TIPIN: variants seen among roughly 807,000 people sequenced by gnomAD.
TIPIN encodes the protein TIMELESS-interacting protein.
In TIPIN, 29 loss-of-function variants were observed where a neutral mutation model predicts 35.6. The observed-to-expected ratio is 0.82, with a 90% CI of 0.61 to 1.11. The LOEUF (loss-of-function observed/expected upper bound fraction) is 1.11. Among genes scored for constraint, TIPIN ranks in the 50% most tolerant of loss-of-function variants. TIPIN has a pLI of 0.00. For missense variants in TIPIN, 296 were observed against 345.4 expected, an observed-to-expected ratio of 0.86 and a Z score of 1.13; for synonymous variants, 102 against 121.5, an observed-to-expected ratio of 0.84 and a Z score of 1.06.
At chr15:66,375,412 C>T (rs888052285) in intron 1 of TIPIN, among the ~76,000 whole-genome samples, 3 of 150,436 alleles carry the variant, frequency 2.0e-5, no homozygotes, top group East Asian at 2.0e-4. Flanking sequence ...TGAGCTCAAG[C>T]GATCTGCCCA....
chr15:66,357,595 CAAAAAAAAAAAA>C (rs574898699), upstream of TIPIN, among the ~76,000 whole-genome samples: 2 of 63,434 alleles, frequency 3.2e-5, no homozygotes, highest in Admixed American at 2.3e-4. Flanking sequence ...GATCTTGTCG[CAAAAAAAAAAAA>C]AAAAAAAAAA....
rs917557835 is a variant in TIPIN at position 66,379,545 on chromosome 15, C to T, written c.-9+7062G>A. The T allele has an allele frequency of 6.2e-6, 10 of 1,610,528 alleles. No individual in the cohort carries two copies. In the Admixed American group the frequency reaches 6.7e-5, roughly 11 times the overall value. Reference sequence around the variant, plus strand: ...AACACCTGGTCTCATCCGCACCCTGCGGATGTATTTTTCACCCAAGAAATT... The same window carrying T: ...AACACCTGGTCTCATCCGCACCCTGTGGATGTATTTTTCACCCAAGAAATT... On this transcript the variant is annotated intron_variant, in intron 1 of 7. Coordinates refer to the TIPIN transcript ENST00000562124.
chr15:66,366,779 AAAAGAAAG>A lies in TIPIN; in HGVS notation c.-8-13832_-8-13825del, dbSNP rs1292433173. On this transcript the variant is annotated intron_variant, in intron 1 of 7. Transcript: ENST00000562124. ...AAGACTCCATCTCAAAAAAAAAAAA[AAAAGAAAG>A]AAAGAAAGAAAAAAAGAAAAAGAAA... 3.1e-5 allele frequency: 29 copies of A among 944,936 alleles called. No homozygotes were observed. The African/African-American group carries it at 3.2e-4, about 10-fold the overall frequency. The allele number at this position is 944,936 out of a possible 1,614,324, so 58.5% of individuals were successfully genotyped here.
At chr15:66,379,478 A>G (rs2093309967) in intron 1 of TIPIN, 1 of 1,608,468 alleles carries the variant, frequency 6.2e-7, no homozygotes, top group Admixed American at 1.7e-5. Context: ...CATTTCCTTC[A>G]AAGATTAATT....
At chr15:66,373,220 G>T (rs1032388523) in intron 1 of TIPIN, among the ~76,000 whole-genome samples, 1 of 152,058 alleles carries the variant, frequency 6.6e-6, no homozygotes, top group East Asian at 1.9e-4. Context: ...ATGGCCGGGC[G>T]CAGTGGCTCA....
chr15:66,342,107 C>T (rs1244199481), intron 6 of TIPIN, among the ~76,000 whole-genome samples: 4 of 148,380 alleles, frequency 2.7e-5, no homozygotes, highest in East Asian at 2.0e-4. Context: ...TTGCTTGAAC[C>T]GGGACCCGGG....
intron 6 of TIPIN, among the ~76,000 whole-genome samples, chr15:66,344,977 G>A (rs1376708846): frequency 1.3e-5 from 2 of 152,212 alleles, no homozygotes; most frequent in Non-Finnish European, 1.5e-5. Context: ...GCTAAAGCTA[G>A]AAATATTCAG....
At chr15:66,373,362 G>A (rs1359630309) in intron 1 of TIPIN, among the ~76,000 whole-genome samples, 5 of 151,916 alleles carry the variant, frequency 3.3e-5, no homozygotes, top group East Asian at 1.9e-4. Context: ...GTGTGGTGGC[G>A]GGCGCCTGTA....
At chr15:66,379,862 A>T in intron 1 of TIPIN, 1 of 1,593,866 alleles carries the variant, frequency 6.3e-7, no homozygotes, top group Non-Finnish European at 8.5e-7. Context: ...CCTTCAGAGT[A>T]ATGTTGACAT....
chr15:66,344,548 T>C (rs961526874), intron 6 of TIPIN, among the ~76,000 whole-genome samples: 1 of 151,902 alleles, frequency 6.6e-6, no homozygotes, highest in African/African-American at 2.4e-5. Flanking sequence ...TTCCTTTGAG[T>C]AGGATTAAAA....
intron 1 of TIPIN, among the ~76,000 whole-genome samples, chr15:66,377,981 G>T (rs2093303766): frequency 2.0e-5 from 3 of 151,978 alleles, no homozygotes; most frequent in African/African-American, 7.2e-5. Context: ...AAGTAGCTGG[G>T]ATTACAGGTG....
chr15:66,366,919 T>A, intron 1 of TIPIN: 1 of 984,608 alleles, frequency 1.0e-6, no homozygotes, highest in South Asian at 4.7e-5. Context: ...TGGTGGCTCA[T>A]ACCTGTAATC....
At chr15:66,351,927 C>A (rs1025408063) in intron 3 of TIPIN, among the ~76,000 whole-genome samples, 2 of 150,780 alleles carry the variant, frequency 1.3e-5, no homozygotes, top group African/African-American at 4.8e-5. Context: ...GCGTGAGCTA[C>A]CACGCCCAGC....
At chr15:66,380,804 G>T (rs1471061251) in intron 1 of TIPIN, among the ~76,000 whole-genome samples, 2 of 152,048 alleles carry the variant, frequency 1.3e-5, no homozygotes, top group African/African-American at 2.4e-5. Flanking sequence ...GACAGAGCAA[G>T]ACTCCATCTG....
intron 3 of TIPIN, 119 bp from the exon 4 acceptor site, chr15:66,351,719 G>T (rs774145144): frequency 1.2e-5 from 9 of 775,782 alleles, no homozygotes; most frequent in Non-Finnish European, 1.8e-5. Context: ...GTCACTGCAA[G>T]CTCGGCCTCC....
chr15:66,364,959 T>A (rs1485807855), intron 1 of TIPIN, among the ~76,000 whole-genome samples: 1 of 936 alleles, frequency 1.1e-3, no homozygotes, highest in Non-Finnish European at 3.1e-3. Context: ...AGAGTGAAAC[T>A]CCATCTCAAA....
chr15:66,369,819 T>G (rs2093271506), intron 1 of TIPIN, among the ~76,000 whole-genome samples: 1 of 152,162 alleles, frequency 6.6e-6, no homozygotes, highest in East Asian at 1.9e-4. Context: ...GCTGTATAGG[T>G]CCCACATCCT....
At position 66,336,777 on chromosome 15, in the gene TIPIN, C is replaced by G. The variant is rs2093047425; in HGVS notation, c.*181G>C. On this transcript the variant is annotated 3_prime_UTR_variant, in exon 8 of 8. Coordinates refer to ENST00000261881, the MANE Select transcript of TIPIN (RefSeq NM_017858.3). The stretch of plus-strand genomic sequence containing the variant: ...ATATAAAAACAAACACTAAAGAGAA[C>G]AAATAGATTTAACTAAAGTGACAAG... 1.7e-6 allele frequency: 1 copy of G among 572,940 alleles called. No homozygotes were observed. Among genetic ancestry groups the G allele is most frequent in the African/African-American group, 1.9e-5 (1 of 53,764 alleles). The allele number at this position is 572,940 out of a possible 1,614,324, so 35.5% of individuals were successfully genotyped here.
At position 66,352,203 on chromosome 15, in the gene TIPIN, T is replaced by C; in HGVS notation, c.138A>G (p.Ser46=). Residue 46 remains serine (S), a synonymous_variant, in exon 3 of 8, where the codon TCA becomes TCG. Coordinates refer to ENST00000261881, the MANE Select transcript of TIPIN (RefSeq NM_017858.3). Reference sequence around the variant, plus strand: ...GTACACGAACAGGTGCTCCATTTCCTGACTCTGGTGAAACAAACCACGATT... The same window carrying C: ...GTACACGAACAGGTGCTCCATTTCCCGACTCTGGTGAAACAAACCACGATT... ...DGEGTEPDEE[S]GNGAPVRVPP... is the part of the protein sequence containing the mutation. 1 of 1,602,076 alleles carries C rather than the reference T, an allele frequency of 6.2e-7. No homozygotes were observed. Among genetic ancestry groups the C allele is most frequent in the Non-Finnish European group, 8.5e-7 (1 of 1,175,274 alleles).
Sources: gnomAD v4.1 joint callset for allele counts (sites outside exome capture counted in the v4.1 genomes callset) on GRCh38, gnomAD v4.1.1 for gene constraint, MANE v1.5 for transcripts, NCBI Gene and HGNC (gene_info 2026-07-23, HGNC 2026-07-21) for gene names.